The following FAM168A variants were observed in gnomAD, a reference collection of about 807,000 sequenced individuals.
FAM168A encodes protein FAM168A.
Under a neutral mutation model 28.5 loss-of-function variants are expected in FAM168A, and 3 were observed. The observed-to-expected ratio is 0.11, with a 90% CI of 0.05 to 0.27. FAM168A has a LOEUF of 0.27. FAM168A is among the 10% of genes least tolerant of loss of function. The probability of loss-of-function intolerance (pLI) is 1.00; values close to 1 mark genes in which losing one functional copy is unlikely to be tolerated. For synonymous variants in FAM168A, 122 were observed against 124.2 expected, an observed-to-expected ratio of 0.98 and a Z score of 0.12; for missense variants, 222 against 311.5, an observed-to-expected ratio of 0.71 and a Z score of 2.16.
At position 73,574,716 on chromosome 11, in the gene FAM168A, GCA is replaced by G. The variant is rs1391629273; in HGVS notation, c.-19+23205_-19+23206del. ...TAGCTGGGATGTGCCACTACACCTG[GCA>G]TTTTTTTTTTTTTTTTTTTTTTTTT... On this transcript the variant is annotated intron_variant, in intron 1 of 7. Coordinates refer to ENST00000356467, the MANE Select transcript of FAM168A (RefSeq NM_015159.3). Among the ~76,000 whole-genome samples, 3 of 124,260 alleles carry G rather than the reference GCA, an allele frequency of 2.4e-5. No individual in the cohort carries two copies. In the East Asian group the frequency reaches 7.3e-4, roughly 30 times the overall value. 81.5% of individuals were successfully genotyped at this position (124,260 alleles called of 152,430 possible).
At chr11:73,495,233 G>A (rs1179206975) in intron 1 of FAM168A, among the ~76,000 whole-genome samples, 2 of 152,084 alleles carry the variant, frequency 1.3e-5, no homozygotes, top group Non-Finnish European at 2.9e-5. Context: ...GGAGGCTGAG[G>A]CAGGAGAATG....
At chr11:73,502,176 AC>A (rs1206440112) in intron 1 of FAM168A, among the ~76,000 whole-genome samples, 1 of 150,500 alleles carries the variant, frequency 6.6e-6, no homozygotes, top group Non-Finnish European at 1.5e-5. Flanking sequence ...AGCTAGAGAC[AC>A]AAAAAACCCT....
intron 1 of FAM168A, among the ~76,000 whole-genome samples, chr11:73,490,662 A>G (rs75721684): frequency 0.076 from 11,499 of 152,056 alleles, 577 homozygotes; most frequent in Admixed American, 0.11. Context: ...TCATTCTCTC[A>G]CTTACTTCAG....
intron 1 of FAM168A, among the ~76,000 whole-genome samples, chr11:73,516,044 T>A (rs951880012): frequency 2.7e-5 from 4 of 149,502 alleles, no homozygotes; most frequent in African/African-American, 9.9e-5. Context: ...GAGGTTGCAG[T>A]GAGCCGAGAT....
intron 1 of FAM168A, among the ~76,000 whole-genome samples, chr11:73,497,451 C>A (rs1002779240): frequency 6.6e-6 from 1 of 151,058 alleles, no homozygotes; most frequent in Non-Finnish European, 1.5e-5. Flanking sequence ...CCATACCCCC[C>A]CTCAAAAAAA....
At chr11:73,526,987 G>A (rs75171832) in intron 1 of FAM168A, among the ~76,000 whole-genome samples, 2,770 of 151,840 alleles carry the variant, frequency 0.018, 64 homozygotes, top group African/African-American at 0.056. Flanking sequence ...TTAGCTTTGC[G>A]GGGACATCTA....
chr11:73,409,077 C>T (rs1413499370), intron 6 of FAM168A, among the ~76,000 whole-genome samples: 1 of 152,088 alleles, frequency 6.6e-6, no homozygotes, highest in Non-Finnish European at 1.5e-5. Context: ...CTGCTTGACC[C>T]CCATTGTGTG....
chr11:73,535,150 ATTTAAAACC>A (rs1183528235), intron 1 of FAM168A, among the ~76,000 whole-genome samples: 1 of 152,042 alleles, frequency 6.6e-6, no homozygotes, highest in Non-Finnish European at 1.5e-5. Flanking sequence ...CAACTCATGT[ATTTAAAACC>A]TTTTTTTTTT....
At chr11:73,525,951 G>A (rs1565283803) in intron 1 of FAM168A, among the ~76,000 whole-genome samples, 1 of 152,142 alleles carries the variant, frequency 6.6e-6, no homozygotes, top group Non-Finnish European at 1.5e-5. Context: ...GAATATGAAA[G>A]TTTCTTGGAA....
intron 1 of FAM168A, among the ~76,000 whole-genome samples, chr11:73,492,241 G>C (rs886767061): frequency 1.1e-4 from 17 of 152,062 alleles, no homozygotes; most frequent in African/African-American, 3.6e-4. Context: ...GATCAAGATA[G>C]ACAAAAAAGA....
intron 1 of FAM168A, among the ~76,000 whole-genome samples, chr11:73,485,152 A>G (rs1022262299): frequency 1.3e-5 from 2 of 152,184 alleles, no homozygotes; most frequent in African/African-American, 4.8e-5. Flanking sequence ...AACAACCATC[A>G]TGTTGTTAAA....
chr11:73,580,323 T>A, intron 1 of FAM168A: 2 of 572,478 alleles, frequency 3.5e-6, no homozygotes, highest in South Asian at 2.8e-5. Flanking sequence ...ACAGAGAAGA[T>A]CCACAAGGTT....
intron 1 of FAM168A, among the ~76,000 whole-genome samples, chr11:73,540,380 T>G: frequency 6.6e-6 from 1 of 152,144 alleles, no homozygotes; most frequent in East Asian, 1.9e-4. Context: ...GATAAGAAAC[T>G]TAAAGTTCCA....
intron 5 of FAM168A, 143 bp from the exon 6 acceptor site, chr11:73,409,804 CTGG>C: frequency 1.3e-6 from 1 of 760,254 alleles, no homozygotes; most frequent in Non-Finnish European, 2.1e-6. Context: ...CAGTGCAGTG[CTGG>C]GCTCAGCTTC....
At chr11:73,477,466 A>C (rs1326641027) in intron 1 of FAM168A, among the ~76,000 whole-genome samples, 5 of 152,156 alleles carry the variant, frequency 3.3e-5, no homozygotes, top group African/African-American at 7.2e-5. Context: ...AACAACAACA[A>C]CACATATTAA....
At chr11:73,445,966 T>C (rs1039610894) in intron 2 of FAM168A, among the ~76,000 whole-genome samples, 1 of 152,244 alleles carries the variant, frequency 6.6e-6, no homozygotes, top group Non-Finnish European at 1.5e-5. Flanking sequence ...AAGTGACAGT[T>C]AAGATTGAAA....
intron 2 of FAM168A, among the ~76,000 whole-genome samples, chr11:73,431,637 T>C (rs1006532025): frequency 1.3e-5 from 2 of 152,196 alleles, no homozygotes; most frequent in African/African-American, 2.4e-5. Context: ...AATTTGATGC[T>C]ATCAACATCA....
chr11:73,566,838 G>A (rs1218047463), intron 1 of FAM168A, among the ~76,000 whole-genome samples: 2 of 152,164 alleles, frequency 1.3e-5, no homozygotes, highest in Non-Finnish European at 2.9e-5. Flanking sequence ...AGAAGCATGA[G>A]GAGAAAACAG....
intron 2 of FAM168A, among the ~76,000 whole-genome samples, chr11:73,438,737 G>A (rs1311897471): frequency 6.6e-6 from 1 of 152,112 alleles, no homozygotes; most frequent in East Asian, 1.9e-4. Context: ...AGAGAAGGAG[G>A]AACACGATAG....
Sources: allele counts gnomAD v4.1 joint callset (sites outside exome capture counted in the v4.1 genomes callset), GRCh38; gene constraint gnomAD v4.1.1; transcripts MANE v1.5; gene names NCBI Gene and HGNC (gene_info 2026-07-23, HGNC 2026-07-21).